EXOC1: variants seen among roughly 807,000 people sequenced by gnomAD.
EXOC1 encodes exocyst complex component 1, also known as SEC3-like 1.
EXOC1 carries 67 observed loss-of-function variants against 107.7 expected under a neutral mutation model. That is an observed-to-expected ratio of 0.62 (90% CI 0.51 to 0.76). The LOEUF (loss-of-function observed/expected upper bound fraction) is 0.76, where lower values mean the gene tolerates loss of function less well. Ranked by LOEUF, EXOC1 falls within the 30% of genes least tolerant of loss-of-function variation. The pLI is 0.00. For synonymous variants in EXOC1, 348 were observed against 353.5 expected (o/e 0.98, Z 0.17); for missense variants, 833 against 1,055.7 (o/e 0.79, Z 2.92).
intron 1 of EXOC1, among the ~76,000 whole-genome samples, chr4:55,855,834 G>A (rs542094492): frequency 6.6e-6 from 1 of 152,328 alleles, no homozygotes; most frequent in African/African-American, 2.4e-5. Flanking sequence ...ATAACATAGT[G>A]TCTGGGCCCT....
At chr4:55,896,101 T>C (rs10013329) in intron 15 of EXOC1, among the ~76,000 whole-genome samples, 6,109 of 152,260 alleles carry the variant, frequency 0.04, 175 homozygotes, top group Admixed American at 0.083. Flanking sequence ...TGTTGACTGT[T>C]TTTACTTTGT....
At chr4:55,872,476 T>G (rs559963356) in intron 8 of EXOC1, among the ~76,000 whole-genome samples, 13 of 152,196 alleles carry the variant, frequency 8.5e-5, no homozygotes, top group African/African-American at 3.1e-4. Context: ...GATGTTATAA[T>G]TAAGAGTGTG....
chr4:55,869,550 T>C (rs755318202), intron 5 of EXOC1, among the ~76,000 whole-genome samples: 1 of 152,304 alleles, frequency 6.6e-6, no homozygotes, highest in South Asian at 2.1e-4. Flanking sequence ...ACAGAAGTTA[T>C]GGGGTCTGAC....
In EXOC1 at chr4:55,871,134, G is replaced by A. The variant is rs988128039; in HGVS notation, c.865G>A (p.Ala289Thr). 10 of 1,613,720 alleles carry A rather than the reference G, an allele frequency of 6.2e-6. No individual in the cohort carries two copies. Among genetic ancestry groups the A allele is most frequent in the Non-Finnish European group, 7.6e-6 (9 of 1,179,890 alleles). Residue 289 changes from alanine to threonine, a missense_variant, in exon 7 of 19, where the codon GCC becomes ACC. Ala to Thr is a moderately conservative substitution (Grantham distance 58, BLOSUM62 0). Around this residue, in one of 2 missense-constraint regions of EXOC1, gnomAD observed 617 missense variants for 701.3 expected, o/e 0.88. Coordinates refer to ENST00000381295, the MANE Select transcript of EXOC1 (RefSeq NM_001024924.2). ...GGACTTGGCCAAAGGTCATATAAAG[G>A]CCCTTCAGGAAGGAGATCTTGCTTC... ...HMDLAKGHIK[A>T]LQEGDLASSR...
chr4:55,860,534 C>G lies in EXOC1; in HGVS notation c.248C>G (p.Ala83Gly), dbSNP rs867733863. The G allele has an allele frequency of 1.2e-6, 2 of 1,613,784 alleles. No individual in the cohort carries two copies. The highest frequency in any genetic ancestry group is 1.7e-6 in the Non-Finnish European group (2 of 1,179,770). Residue 83 changes from alanine to glycine, a missense_variant, in exon 3 of 19, where the codon GCT becomes GGT. This residue lies in a region of EXOC1 where 617 missense variants were observed against 701.3 expected (regional missense o/e 0.88). Transcript: ENST00000381295. ...CTTGCTGTGGTAGATGCCAAAGATGCTATCAAAGTAGGTTTTTCTCAGTTC... is the reference window on the plus strand; with the variant it reads ...CTTGCTGTGGTAGATGCCAAAGATGGTATCAAAGTAGGTTTTTCTCAGTTC... ...RDLAVVDAKD[A>G]IKENPEFDLH...
chr4:55,890,531 G>GGA, intron 12 of EXOC1, 145 bp downstream of exon 12: 2 of 299,184 alleles, frequency 6.7e-6, no homozygotes, highest in South Asian at 1.3e-4. Context: ...TCGAATCTGG[G>GGA]AAAAAAAAAA....
At position 55,892,659 on chromosome 4, in the gene EXOC1, G is replaced by A. The variant is rs1724702738; in HGVS notation, c.1672G>A (p.Gly558Arg). The A allele has an allele frequency of 9.9e-6, 16 of 1,613,968 alleles. No individual in the cohort carries two copies. In the East Asian group the frequency reaches 3.3e-4, roughly 34 times the overall value. The change falls in exon 14 of 19, where the codon GGA becomes AGA. Residue 558 changes from glycine to arginine, a missense_variant. Coordinates refer to ENST00000381295, the MANE Select transcript of EXOC1 (RefSeq NM_001024924.2). ...TMAEAEDLDG[G>R]TLSRQHNCGT... ...GGCTGAAGCAGAGGACCTGGATGGA[G>A]GAACATTATCACGGCAACATAATTG...
At position 55,897,181 on chromosome 4, in the gene EXOC1, C is replaced by T. The variant is rs192382284; in HGVS notation, c.2137+281C>T. Among the ~76,000 whole-genome samples the T allele has an allele frequency of 5.6e-4, 83 of 149,486 alleles. No individual in the cohort carries two copies. In the East Asian group the frequency reaches 0.014, roughly 26 times the overall value. On this transcript the variant is annotated intron_variant, in intron 16 of 18. Coordinates refer to ENST00000381295, the MANE Select transcript of EXOC1 (RefSeq NM_001024924.2). Reference sequence around the variant, plus strand: ...TCACTCTGTCGCCCAGGCTGGAGTGCGGTGGCATGATCTTGGCTCACTGCA... The same window carrying T: ...TCACTCTGTCGCCCAGGCTGGAGTGTGGTGGCATGATCTTGGCTCACTGCA...
In EXOC1 at chr4:55,868,326, C is replaced by T. The variant is rs1243301681; in HGVS notation, c.416-10C>T. The T allele has an allele frequency of 6.3e-7, 1 of 1,591,656 alleles. No individual in the cohort carries two copies. Among genetic ancestry groups the T allele is most frequent in the South Asian group, 1.1e-5 (1 of 88,380 alleles). Reference sequence around the variant, plus strand: ...TTGACTATTTTACTTTGAATTTTTACCTCTTTAAGAATCTGTTCCAAGTGG... The same window carrying T: ...TTGACTATTTTACTTTGAATTTTTATCTCTTTAAGAATCTGTTCCAAGTGG... On this transcript the variant is annotated splice_polypyrimidine_tract_variant and intron_variant, in intron 4 of 18. Coordinates refer to ENST00000381295, the MANE Select transcript of EXOC1 (RefSeq NM_001024924.2).
At position 55,868,395 on chromosome 4, in the gene EXOC1, G is replaced by A; in HGVS notation, c.475G>A (p.Glu159Lys). 1 of 1,613,714 alleles carries A rather than the reference G, an allele frequency of 6.2e-7. No homozygotes were observed. Among genetic ancestry groups the A allele is most frequent in the Non-Finnish European group, 8.5e-7 (1 of 1,179,798 alleles). Residue 159 changes from glutamate to lysine, a missense_variant, in exon 5 of 19, where the codon GAA becomes AAA. Physicochemically the swap from Glu to Lys is moderately conservative, Grantham distance 56 (BLOSUM62 1). Around this residue, in one of 2 missense-constraint regions of EXOC1, gnomAD observed 617 missense variants for 701.3 expected, o/e 0.88. Transcript: ENST00000381295. The stretch of plus-strand genomic sequence containing the variant: ...AGGAGGTGATGAAGAAGTAGTAGAT[G>A]AATACCAAGAGTTAAATGCAAGAGA... ...VTGGDEEVVD[E>K]YQELNAREEQ...
At chr4:55,877,549 GT>G (rs1723014337) in intron 8 of EXOC1, 2 of 985,052 alleles carry the variant, frequency 2.0e-6, no homozygotes, top group Admixed American at 6.2e-5. Flanking sequence ...CTCTATTTGT[GT>G]TTCTTAATTC....
At position 55,870,658 on chromosome 4, in the gene EXOC1, T is replaced by TTG; in HGVS notation, c.604-19_604-18insGT. The TTG allele has an allele frequency of 2.5e-6, 4 of 1,588,748 alleles. No individual in the cohort carries two copies. Among genetic ancestry groups the TTG allele is most frequent in the African/African-American group, 1.3e-5 (1 of 74,194 alleles). On this transcript the variant is annotated intron_variant, in intron 5 of 18. Transcript: ENST00000381295. Reference sequence around the variant, plus strand: ...TTTGTTTGTTTGTTTGTTTGTTTGTTTTGGTCTTTAACTTTGTAGGCTAAC... The same window carrying TTG: ...TTTGTTTGTTTGTTTGTTTGTTTGTTTGTTGGTCTTTAACTTTGTAGGCTAAC...
rs761575437 is a variant in EXOC1, at chr4:55,899,693, G to A, written c.2146G>A (p.Val716Ile). The change falls in exon 17 of 19, where the codon GTA (valine) becomes ATA (isoleucine). Residue 716 changes from valine (V) to isoleucine (I), a missense_variant. Transcript: ENST00000381295. ...IRGVFVNVEK[V>I]ANESQKTPRD... ...TTCTGTTTTGGTTTTAGTGGAGAAAGTAGCAAATGAAAGCCAGAAGACCCC... is the reference window on the plus strand; with the variant it reads ...TTCTGTTTTGGTTTTAGTGGAGAAAATAGCAAATGAAAGCCAGAAGACCCC... 1.2e-6 allele frequency: 2 copies of A among 1,609,808 alleles called. No homozygotes were observed. Among genetic ancestry groups the A allele is most frequent in the East Asian group, 4.5e-5 (2 of 44,784 alleles).
intron 15 of EXOC1, among the ~76,000 whole-genome samples, chr4:55,894,614 C>CTTTT (rs772700227): frequency 0.014 from 1,101 of 76,140 alleles, 15 homozygotes; most frequent in Non-Finnish European, 0.016. Flanking sequence ...CTATCTGTTA[C>CTTTT]TTTTTTTTTT....
intron 3 of EXOC1, among the ~76,000 whole-genome samples, chr4:55,862,446 A>G (rs942466400): frequency 2.0e-5 from 3 of 152,172 alleles, no homozygotes; most frequent in African/African-American, 7.2e-5. Context: ...GAGTGTTGCC[A>G]CTGGAGCACT....
intron 8 of EXOC1, chr4:55,876,423 C>A: frequency 1.4e-6 from 1 of 701,262 alleles, no homozygotes; most frequent in Non-Finnish European, 1.8e-6. Context: ...TCACTCCAAG[C>A]ACATGTTTTT....
At chr4:55,889,303 A>G (rs1577747523) in intron 11 of EXOC1, among the ~76,000 whole-genome samples, 1 of 152,156 alleles carries the variant, frequency 6.6e-6, no homozygotes, top group East Asian at 1.9e-4. Context: ...TTTTCTGACC[A>G]TTAGCAAATA....
intron 8 of EXOC1, 122 bp downstream of exon 8, chr4:55,872,080 G>T: frequency 1.1e-6 from 1 of 899,012 alleles, no homozygotes; most frequent in South Asian, 1.9e-5. Flanking sequence ...TCACATATTT[G>T]ATTTTAAGAT....
intron 8 of EXOC1, chr4:55,876,527 G>A: frequency 2.2e-6 from 2 of 923,894 alleles, no homozygotes; most frequent in Non-Finnish European, 2.6e-6. Context: ...TTGGTGCCAA[G>A]CTTAGTCTGA....
Sources: gnomAD v4.1 joint callset for allele counts (sites outside exome capture counted in the v4.1 genomes callset) on GRCh38, gnomAD v4.1.1 for gene constraint, gnomAD v4.1.1 regional missense constraint, MANE v1.5 for transcripts, NCBI Gene and HGNC (gene_info 2026-07-23, HGNC 2026-07-21) for gene names.